The following P3H2 variants were observed in gnomAD, a reference collection of about 807,000 sequenced individuals.
The protein encoded by P3H2 is prolyl 3-hydroxylase 2, also known as leprecan-like 1.
In P3H2, 80 loss-of-function variants were observed where a neutral mutation model predicts 87.0. The observed-to-expected ratio is 0.92, with a 90% CI of 0.77 to 1.11. The LOEUF (loss-of-function observed/expected upper bound fraction) is 1.11, where lower values mean the gene tolerates loss of function less well. P3H2 is among the 50% of genes least tolerant of loss of function. The pLI is 0.00. For missense variants in P3H2, 1,001 were observed against 923.9 expected (o/e 1.08, Z -1.08); for synonymous variants, 367 against 359.3 (o/e 1.02, Z -0.24).
intron 1 of P3H2, among the ~76,000 whole-genome samples, chr3:190,090,616 T>C (rs1727378042): frequency 6.6e-6 from 1 of 151,646 alleles, no homozygotes; most frequent in African/African-American, 2.4e-5. Context: ...GGCAGGAGAA[T>C]GGTGTGAAGC....
At chr3:190,099,422 G>C (rs190929616) in intron 1 of P3H2, among the ~76,000 whole-genome samples, 102 of 152,302 alleles carry the variant, frequency 6.7e-4, no homozygotes, top group African/African-American at 2.3e-3. Flanking sequence ...TATATATGCA[G>C]GGGGAAAGTG....
At chr3:190,106,374 C>A (rs13083331) in intron 1 of P3H2, among the ~76,000 whole-genome samples, 18,238 of 152,116 alleles carry the variant, frequency 0.12, 1,213 homozygotes, top group Middle Eastern at 0.2. Context: ...GCCAGTTACT[C>A]AGATTGAATG....
chr3:189,994,204 C>G lies in P3H2; in HGVS notation c.713G>C (p.Arg238Thr). 6.2e-7 allele frequency: 1 copy of G among 1,613,948 alleles called. No homozygotes were observed. The highest frequency in any genetic ancestry group is 1.3e-5 in the African/African-American group (1 of 75,018). Residue 238 changes from arginine (R) to threonine (T), a missense_variant, in exon 3 of 15, where the codon AGA becomes ACA. Arg to Thr is a moderately conservative substitution (Grantham distance 71). Transcript: ENST00000319332. ...MAIRHFEQAL[R>T]EYFVEDTECR... ...TTCTGTATCTTCAACGAAATATTCT[C>G]TTAAGGCTTGTTCGAAGTGCCTGAT...
chr3:190,106,458 A>G (rs1489971925), intron 1 of P3H2, among the ~76,000 whole-genome samples: 1 of 152,098 alleles, frequency 6.6e-6, no homozygotes, highest in Non-Finnish European at 1.5e-5. Context: ...TCCACTTACC[A>G]TGATATATTT....
chr3:190,115,076 G>A (rs1712237414), intron 1 of P3H2, among the ~76,000 whole-genome samples: 1 of 152,140 alleles, frequency 6.6e-6, no homozygotes, highest in African/African-American at 2.4e-5. Context: ...TAATCAAATA[G>A]ATTATGGTCA....
intron 1 of P3H2, among the ~76,000 whole-genome samples, chr3:190,035,358 T>C (rs1175642791): frequency 6.6e-6 from 1 of 152,186 alleles, no homozygotes; most frequent in Admixed American, 6.5e-5. Context: ...GGATACCTGA[T>C]ACCCAACCTG....
rs764378301 is a variant in P3H2, at chr3:189,973,992, C to A, written c.1465G>T (p.Val489Phe). Residue 489 changes from valine to phenylalanine, a missense_variant, in exon 10 of 15, where the codon GTT becomes TTT. Val to Phe is a conservative substitution (Grantham distance 50). Transcript: ENST00000319332. ...LHSVASGIMLVGDGYRGKTSP... is the reference protein window; with the variant it reads ...LHSVASGIMLFGDGYRGKTSP... Reference sequence around the variant, plus strand: ...GTTTTTCCTCTGTATCCATCACCAACAAGCATGATTCCCTGGAAGCAAATA... The same window carrying A: ...GTTTTTCCTCTGTATCCATCACCAAAAAGCATGATTCCCTGGAAGCAAATA... The A allele has an allele frequency of 3.1e-6, 5 of 1,613,588 alleles. No homozygotes were observed. Among genetic ancestry groups the A allele is most frequent in the African/African-American group, 1.3e-5 (1 of 74,928 alleles).
intron 1 of P3H2, among the ~76,000 whole-genome samples, chr3:190,058,933 A>G (rs1726251674): frequency 6.6e-6 from 1 of 152,158 alleles, no homozygotes; most frequent in African/African-American, 2.4e-5. Flanking sequence ...TTTCCCTGCT[A>G]TCCTTTCAGC....
intron 1 of P3H2, among the ~76,000 whole-genome samples, chr3:190,084,988 C>G (rs922318911): frequency 1.3e-5 from 2 of 151,878 alleles, no homozygotes; most frequent in East Asian, 1.9e-4. Flanking sequence ...AACTATAAAG[C>G]TTTCAGATAA....
At chr3:190,004,131 C>T (rs933946550) in intron 1 of P3H2, among the ~76,000 whole-genome samples, 1 of 152,086 alleles carries the variant, frequency 6.6e-6, no homozygotes, top group Non-Finnish European at 1.5e-5. Context: ...TTGGTGAGCA[C>T]AATCTAACTT....
chr3:190,056,568 A>G (rs1726161309), intron 1 of P3H2, among the ~76,000 whole-genome samples: 1 of 152,236 alleles, frequency 6.6e-6, no homozygotes, highest in African/African-American at 2.4e-5. Flanking sequence ...AGCCAAATCT[A>G]CAGGGAACGT....
At chr3:190,043,161 T>TGTG (rs1725693399) in intron 1 of P3H2, among the ~76,000 whole-genome samples, 1 of 133,970 alleles carries the variant, frequency 7.5e-6, no homozygotes, top group South Asian at 2.5e-4. Flanking sequence ...GTGTGTGTGT[T>TGTG]CATGTGCACA....
intron 14 of P3H2, among the ~76,000 whole-genome samples, chr3:189,959,552 T>A (rs1026130084): frequency 2.6e-5 from 4 of 151,984 alleles, no homozygotes; most frequent in Non-Finnish European, 5.9e-5. Flanking sequence ...TTTAGGTTTA[T>A]TTTGCCTCCC....
In P3H2 at chr3:190,022,289, G is replaced by A. The variant is rs1724946858; in HGVS notation, c.481-26847C>T. Among the ~76,000 whole-genome samples the A allele has an allele frequency of 1.5e-5, 2 of 135,384 alleles. 1 individual carries two copies. The highest frequency in any genetic ancestry group is 3.3e-5 in the Non-Finnish European group (2 of 60,528). 88.8% of individuals were successfully genotyped at this position (135,384 alleles called of 152,430 possible). A position where few individuals can be genotyped will look rare whatever the true frequency, so the allele number is the denominator to read the frequency against. Reference sequence around the variant, plus strand: ...GGAAATGACCAAAGGCTTTTAAGAAGTAGTAGATTTGTAGTTTAAGGCACA... The same window carrying A: ...GGAAATGACCAAAGGCTTTTAAGAAATAGTAGATTTGTAGTTTAAGGCACA... On this transcript the variant is annotated intron_variant, in intron 1 of 14. Coordinates refer to ENST00000319332, the MANE Select transcript of P3H2 (RefSeq NM_018192.4).
At chr3:189,961,304 A>G (rs1317361852) in intron 14 of P3H2, among the ~76,000 whole-genome samples, 1 of 152,222 alleles carries the variant, frequency 6.6e-6, no homozygotes, top group Non-Finnish European at 1.5e-5. Flanking sequence ...TCTGTTGACC[A>G]CAAGAAATGA....
chr3:189,995,561 T>TTG (rs1724030414), intron 1 of P3H2, 119 bp from the exon 2 acceptor site: 1 of 1,105,106 alleles, frequency 9.0e-7, no homozygotes, highest in South Asian at 1.5e-5. Flanking sequence ...CCTTGGTTTT[T>TTG]TTTTTTTTTA....
chr3:189,982,123 T>A (rs1480137434), intron 8 of P3H2, among the ~76,000 whole-genome samples: 2 of 152,194 alleles, frequency 1.3e-5, no homozygotes, highest in Non-Finnish European at 2.9e-5. Flanking sequence ...ATTTTTGATA[T>A]CTACACAATT....
At chr3:189,973,507 C>CTTT (rs879286759) in intron 10 of P3H2, among the ~76,000 whole-genome samples, 4,543 of 78,136 alleles carry the variant, frequency 0.058, 440 homozygotes, top group Non-Finnish European at 0.086. Context: ...TTCTTTCTTT[C>CTTT]TTTCTTTTTT....
chr3:189,979,394 C>T (rs777557114), intron 8 of P3H2, among the ~76,000 whole-genome samples: 18 of 151,996 alleles, frequency 1.2e-4, no homozygotes, highest in South Asian at 6.3e-4. Context: ...TGCCACTGTA[C>T]TCCAGCTTGG....
Sources: allele counts gnomAD v4.1 joint callset (sites outside exome capture counted in the v4.1 genomes callset), GRCh38; gene constraint gnomAD v4.1.1; transcripts MANE v1.5; gene names NCBI Gene and HGNC (gene_info 2026-07-23, HGNC 2026-07-21).